Variants in CEP15 observed in about 807,000 individuals in gnomAD.
The protein encoded by CEP15 is centrosomal protein 15 kDa.
At chr3:62,333,294 T>C in the CEP15 span, 1 of 1,611,532 alleles carries the variant, frequency 6.2e-7, no homozygotes, top group Non-Finnish European at 8.5e-7. The surrounding 1 kb of genome is among the most constrained non-coding windows in gnomAD (Gnocchi z 4.0). Flanking sequence ...TATTCCCAAA[T>C]GGGAACAGTT....
At chr3:62,320,378 TA>T in the CEP15 span, 1 of 925,782 alleles carries the variant, frequency 1.1e-6, no homozygotes. Context: ...ACCAATGGAT[TA>T]AGGTACTAAA....
chr3:62,335,541 A>C, the CEP15 span: 1 of 151,890 alleles, frequency 6.6e-6, no homozygotes, highest in African/African-American at 2.4e-5. Context: ...TTAGCTTTAC[A>C]CAGGAATTTC....
the CEP15 span, chr3:62,331,378 G>C: frequency 6.2e-7 from 1 of 1,612,940 alleles, no homozygotes; most frequent in Non-Finnish European, 8.5e-7. Context: ...CACTTCCACG[G>C]CCTGAGGTGG....
chr3:62,333,127 T>G, the CEP15 span: 4 of 824,218 alleles, frequency 4.9e-6, no homozygotes, highest in Non-Finnish European at 5.5e-6. This position sits in a 1 kb window ranked among gnomAD's most constrained non-coding sequence, Gnocchi z 4.0. Context: ...GCATTCTACA[T>G]ATATGTGTGT....
the CEP15 span, chr3:62,331,436 CCTAT>C: frequency 5.8e-4 from 885 of 1,523,608 alleles, 2 homozygotes; most frequent in Middle Eastern, 8.5e-4. Flanking sequence ...AAAGAGAGAC[CCTAT>C]CTATCTATCA....
the CEP15 span, chr3:62,331,334 G>T: frequency 6.2e-7 from 1 of 1,612,826 alleles, no homozygotes; most frequent in South Asian, 1.1e-5. Flanking sequence ...GGATATAGAA[G>T]CAGCAGAAAA....
the CEP15 span, among the ~76,000 whole-genome samples, chr3:62,330,658 C>A: frequency 6.6e-6 from 1 of 152,050 alleles, no homozygotes; most frequent in African/African-American, 2.4e-5. Flanking sequence ...ATACTTTCAG[C>A]TGAATGACAT....
the CEP15 span, among the ~76,000 whole-genome samples, chr3:62,321,448 A>G: frequency 6.6e-6 from 1 of 152,194 alleles, no homozygotes; most frequent in African/African-American, 2.4e-5. This position sits in a 1 kb window ranked among gnomAD's most constrained non-coding sequence, Gnocchi z 4.1. Flanking sequence ...TGCTTCTTCA[A>G]ACATATGGAA....
the CEP15 span, among the ~76,000 whole-genome samples, chr3:62,326,611 A>G: frequency 6.6e-6 from 1 of 152,184 alleles, no homozygotes; most frequent in Non-Finnish European, 1.5e-5. Context: ...TAACATTTAT[A>G]CCATCATCCA....
the CEP15 span, among the ~76,000 whole-genome samples, chr3:62,321,178 C>T: frequency 6.6e-5 from 10 of 152,086 alleles, no homozygotes; most frequent in African/African-American, 2.4e-4. This position sits in a 1 kb window ranked among gnomAD's most constrained non-coding sequence, Gnocchi z 4.1. Context: ...TTATGTATAC[C>T]AACGTATGTA....
the CEP15 span, chr3:62,322,180 T>C: frequency 1.0e-6 from 1 of 992,988 alleles, no homozygotes; most frequent in Non-Finnish European, 1.5e-6. The surrounding 1 kb of genome is among the most constrained non-coding windows in gnomAD (Gnocchi z 5.5). Context: ...TAAAGCAGCA[T>C]CTTTTTTAAA....
At chr3:62,332,731 A>G in the CEP15 span, among the ~76,000 whole-genome samples, 2 of 152,066 alleles carry the variant, frequency 1.3e-5, no homozygotes, top group Non-Finnish European at 2.9e-5. Context: ...TTCCTACACA[A>G]TTAAGGGTCC....
At chr3:62,319,022 G>A in the CEP15 span, 1 of 152,262 alleles carries the variant, frequency 6.6e-6, no homozygotes, top group Non-Finnish European at 1.5e-5. Flanking sequence ...CGCAGTAGCT[G>A]GTGCCTTCCC....
At chr3:62,320,483 GT>G in the CEP15 span, 1 of 1,612,062 alleles carries the variant, frequency 6.2e-7, no homozygotes, top group Non-Finnish European at 8.5e-7. Context: ...TGACTTCCTT[GT>G]TTGCTCAAGA....
the CEP15 span, among the ~76,000 whole-genome samples, chr3:62,331,776 C>T: frequency 3.9e-5 from 6 of 152,074 alleles, no homozygotes; most frequent in African/African-American, 1.4e-4. Flanking sequence ...AGTCCCTTCA[C>T]CAAAAATTTA....
the CEP15 span, chr3:62,319,149 G>C: frequency 6.6e-6 from 1 of 152,404 alleles, no homozygotes; most frequent in African/African-American, 2.4e-5. Context: ...TTAACGTAAA[G>C]AGCCAGGCTG....
the CEP15 span, among the ~76,000 whole-genome samples, chr3:62,329,346 G>A: frequency 3.9e-5 from 6 of 152,142 alleles, no homozygotes; most frequent in Non-Finnish European, 1.5e-5. Context: ...GTAAGGGCTA[G>A]GAAGAAAGGT....
At chr3:62,320,460 C>G in the CEP15 span, 1 of 1,609,600 alleles carries the variant, frequency 6.2e-7, no homozygotes, top group Non-Finnish European at 8.5e-7. Flanking sequence ...TTTATGACAG[C>G]TTTGATTAAA....
At chr3:62,328,915 T>C in the CEP15 span, among the ~76,000 whole-genome samples, 1 of 151,976 alleles carries the variant, frequency 6.6e-6, no homozygotes, top group African/African-American at 2.4e-5. Context: ...TTTTTTTTTT[T>C]TCAGTCAGGC....
Sources: gnomAD v4.1 joint callset for allele counts (sites outside exome capture counted in the v4.1 genomes callset) on GRCh38, gnomAD v4.1.1 for gene constraint, Gnocchi (gnomAD v3.1) non-coding constraint, MANE v1.5 for transcripts, NCBI Gene and HGNC (gene_info 2026-07-23, HGNC 2026-07-21) for gene names.